The following ABTB2 variants were observed in gnomAD, a reference collection of about 807,000 sequenced individuals.
ABTB2 encodes the protein ankyrin repeat and BTB domain containing 2, also known as ankyrin repeat and BTB/POZ domain-containing protein 2.
ABTB2 carries 56 observed loss-of-function variants against 104.1 expected under a neutral mutation model. The ratio of observed to expected loss-of-function variants is 0.54; its 90% confidence interval spans 0.43 to 0.67. The LOEUF is 0.67. Ranked by LOEUF, ABTB2 falls within the 30% of genes least tolerant of loss-of-function variation. The pLI is 0.00. For synonymous variants in ABTB2, 606 were observed against 608.2 expected, an observed-to-expected ratio of 1.00 and a Z score of 0.05; for missense variants, 1,279 against 1,407.7, an observed-to-expected ratio of 0.91 and a Z score of 1.46.
chr11:34,240,843 C>T (rs908642449), intron 1 of ABTB2, among the ~76,000 whole-genome samples: 2 of 152,188 alleles, frequency 1.3e-5, no homozygotes, highest in African/African-American at 2.4e-5. Flanking sequence ...GATCCGCCCG[C>T]CTTGGCCTCC....
intron 1 of ABTB2, among the ~76,000 whole-genome samples, chr11:34,209,429 C>T (rs746451871): frequency 6.1e-5 from 9 of 146,530 alleles, no homozygotes; most frequent in Non-Finnish European, 1.3e-4. Flanking sequence ...AGTAATTCTG[C>T]CAGTAAACTG....
chr11:34,162,783 T>C lies in ABTB2; in HGVS notation c.2011A>G (p.Thr671Ala). The change falls in exon 10 of 17, where the codon ACG (threonine) becomes GCG (alanine). Residue 671 changes from threonine to alanine, a missense_variant. Transcript: ENST00000435224. ...TCCGCTTTAGCCTGCTGTGGCTGCG[T>C]CAGGAGCTTCCTCAGGACGTTCCTG... ...GHRNVLRKLL[T>A]QPQQAKADVL... 1.2e-6 allele frequency: 2 copies of C among 1,605,708 alleles called. No homozygotes were observed. Among genetic ancestry groups the C allele is most frequent in the South Asian group, 2.2e-5 (2 of 91,014 alleles).
chr11:34,186,198 G>T (rs1005796770), intron 3 of ABTB2, among the ~76,000 whole-genome samples: 3 of 152,252 alleles, frequency 2.0e-5, no homozygotes, highest in Middle Eastern at 3.2e-3. Context: ...AGTGCCTCAG[G>T]GGGTGCACCC....
At chr11:34,192,938 C>T (rs1380669211) in intron 3 of ABTB2, among the ~76,000 whole-genome samples, 1 of 152,208 alleles carries the variant, frequency 6.6e-6, no homozygotes, top group Non-Finnish European at 1.5e-5. Context: ...AAGCGGGCGG[C>T]CCTCTTGCCT....
intron 1 of ABTB2, among the ~76,000 whole-genome samples, chr11:34,324,071 C>T (rs148687918): frequency 0.038 from 5,826 of 151,922 alleles, 213 homozygotes; most frequent in Non-Finnish European, 0.05. Flanking sequence ...CCACCATACC[C>T]AGTTAGTTTT....
Position 34,357,987 on chromosome 11 carries a change from A to T in ABTB2, c.-404T>A, listed in dbSNP as rs1308768135. 1 of 181,298 alleles carries T rather than the reference A, an allele frequency of 5.5e-6. No homozygotes were observed. Among genetic ancestry groups the T allele is most frequent in the African/African-American group, 2.4e-5 (1 of 42,434 alleles). 11.2% of individuals were successfully genotyped at this position (181,298 alleles called of 1,614,324 possible). A position where few individuals can be genotyped will look rare whatever the true frequency, so the allele number is the denominator to read the frequency against. On this transcript the variant is annotated 5_prime_UTR_variant, in exon 1 of 17. Coordinates refer to ENST00000435224, the MANE Select transcript of ABTB2 (RefSeq NM_145804.3). ...AGCGCGAGTCCGGGACCAGCCGGCG[A>T]GAAAGCGCTCTGCAAACTTCTGCGC...
rs138434947 is a variant in ABTB2 at position 34,263,240 on chromosome 11, T to C, written c.884-58550A>G. 2.6e-3 allele frequency among the ~76,000 whole-genome samples: 403 copies of C among 152,138 alleles called. 1 individual carries two copies. The highest frequency in any genetic ancestry group is 4.0e-3 in the Non-Finnish European group (271 of 67,984). On this transcript the variant is annotated intron_variant, in intron 1 of 16. Coordinates refer to ENST00000435224, the MANE Select transcript of ABTB2 (RefSeq NM_145804.3). ...GTTTGGTCTTACGTGTGAGAGTCCA[T>C]ATGTGTGCATGCGCTTGCATGAGGG...
intron 3 of ABTB2, among the ~76,000 whole-genome samples, chr11:34,179,972 T>A (rs915874522): frequency 6.6e-5 from 10 of 152,254 alleles, no homozygotes; most frequent in African/African-American, 2.4e-4. Context: ...TGTAAAATAC[T>A]TACCATCATA....
intron 3 of ABTB2, 96 bp downstream of exon 3, chr11:34,197,229 G>C (rs77219460): frequency 6.6e-6 from 9 of 1,359,174 alleles, no homozygotes; most frequent in Admixed American, 1.8e-5. Context: ...CCCCTTCCTC[G>C]CCCTGTTGGT....
intron 3 of ABTB2, among the ~76,000 whole-genome samples, chr11:34,181,621 C>G (rs943747473): frequency 1.3e-5 from 2 of 152,188 alleles, no homozygotes; most frequent in African/African-American, 4.8e-5. Context: ...AGAAGGGCCT[C>G]GAGACCAGGC....
At chr11:34,337,227 C>T (rs918060999) in intron 1 of ABTB2, among the ~76,000 whole-genome samples, 7 of 152,226 alleles carry the variant, frequency 4.6e-5, no homozygotes, top group Admixed American at 1.3e-4. Flanking sequence ...GGCCCCGATT[C>T]TGCGCCTGTC....
At position 34,179,798 on chromosome 11, in the gene ABTB2, C is replaced by T. The variant is rs144542220; in HGVS notation, c.1245-6491G>A. Among the ~76,000 whole-genome samples, 419 of 152,296 alleles carry T rather than the reference C, an allele frequency of 2.8e-3. 3 individuals are homozygous for T. Among genetic ancestry groups the T allele is most frequent in the African/African-American group, 9.2e-3 (384 of 41,548 alleles). ...ACCTACTGCATGGTGACCAAGAGCACGGACTCCTGAGGGAGATGGCCTGGG... is the reference window on the plus strand; with the variant it reads ...ACCTACTGCATGGTGACCAAGAGCATGGACTCCTGAGGGAGATGGCCTGGG... On this transcript the variant is annotated intron_variant, in intron 3 of 16. Transcript: ENST00000435224.
intron 1 of ABTB2, among the ~76,000 whole-genome samples, chr11:34,248,404 G>T (rs1258107055): frequency 6.6e-6 from 1 of 151,944 alleles, no homozygotes; most frequent in African/African-American, 2.4e-5. Flanking sequence ...TTTTTAAAGG[G>T]TTAACTACCA....
chr11:34,170,712 C>T (rs1852861098), intron 5 of ABTB2, among the ~76,000 whole-genome samples, 194 bp downstream of exon 5: 1 of 152,226 alleles, frequency 6.6e-6, no homozygotes, highest in Admixed American at 6.5e-5. Flanking sequence ...CAAAGTTCTT[C>T]CAAGGGATAC....
At chr11:34,160,470 T>C in intron 11 of ABTB2, 117 bp from the exon 12 acceptor site, 1 of 715,496 alleles carries the variant, frequency 1.4e-6, no homozygotes, top group South Asian at 1.7e-5. Flanking sequence ...CCGCTATCTT[T>C]TGTTCCTGCT....
intron 3 of ABTB2, among the ~76,000 whole-genome samples, chr11:34,185,216 G>C (rs1021697963): frequency 7.9e-5 from 12 of 152,232 alleles, no homozygotes; most frequent in Non-Finnish European, 1.6e-4. Flanking sequence ...GCAGTGGCGT[G>C]AGGGCTCTTG....
intron 1 of ABTB2, among the ~76,000 whole-genome samples, chr11:34,255,511 G>A (rs915347643): frequency 2.4e-4 from 34 of 141,276 alleles, no homozygotes; most frequent in Non-Finnish European, 4.2e-4. Context: ...TTTTTTTTTT[G>A]AGACACAGTC....
intron 1 of ABTB2, among the ~76,000 whole-genome samples, chr11:34,275,056 C>T (rs145515648): frequency 8.5e-5 from 13 of 152,274 alleles, no homozygotes; most frequent in Admixed American, 2.0e-4. Flanking sequence ...AAAGCTGCCT[C>T]GAGAGTCCTC....
At chr11:34,307,565 C>A (rs903218467) in intron 1 of ABTB2, among the ~76,000 whole-genome samples, 2 of 152,178 alleles carry the variant, frequency 1.3e-5, no homozygotes, top group African/African-American at 4.8e-5. Context: ...CATGGCTCTC[C>A]GAGAGAGGGC....
Sources: allele counts gnomAD v4.1 joint callset (sites outside exome capture counted in the v4.1 genomes callset), GRCh38; gene constraint gnomAD v4.1.1; transcripts MANE v1.5; gene names NCBI Gene and HGNC (gene_info 2026-07-23, HGNC 2026-07-21).